The following SNX29 variants were observed in gnomAD, a reference collection of about 807,000 sequenced individuals.
The protein encoded by SNX29 is sorting nexin-29.
SNX29 carries 78 observed loss-of-function variants against 102.1 expected under a neutral mutation model. The observed-to-expected ratio is 0.76, with a 90% CI of 0.64 to 0.92. The LOEUF (loss-of-function observed/expected upper bound fraction) is 0.92, where lower values mean the gene tolerates loss of function less well. SNX29 is among the 40% of genes least tolerant of loss of function. The pLI is 0.00. For missense variants in SNX29, 1,280 were observed against 1,061.7 expected (o/e 1.21, Z -2.86); for synonymous variants, 580 against 414.5 (o/e 1.40, Z -4.85).
chr16:12,016,617 A>G (rs1596600980), intron 3 of SNX29, among the ~76,000 whole-genome samples: 1 of 152,156 alleles, frequency 6.6e-6, no homozygotes, highest in South Asian at 2.1e-4. Flanking sequence ...CCATTCTGAT[A>G]GGTGTGTAGT....
At chr16:12,317,165 A>G (rs1225793272) in intron 15 of SNX29, among the ~76,000 whole-genome samples, 1 of 152,182 alleles carries the variant, frequency 6.6e-6, no homozygotes, top group Non-Finnish European at 1.5e-5. Context: ...GGAGTGGCGG[A>G]CTGTCTTTAG....
chr16:12,536,084 A>ATGTT (rs2077069950), intron 20 of SNX29, among the ~76,000 whole-genome samples: 1 of 152,130 alleles, frequency 6.6e-6, no homozygotes, highest in African/African-American at 2.4e-5. Context: ...CACACCCAGG[A>ATGTT]TGTTTTGCCT....
At chr16:12,203,329 C>G (rs7187644) in intron 14 of SNX29, among the ~76,000 whole-genome samples, 1 of 18,674 alleles carries the variant, frequency 5.4e-5, no homozygotes, top group Non-Finnish European at 3.2e-4. Flanking sequence ...TCTGAAGTTG[C>G]GTAGTGTGGC....
At chr16:12,537,924 G>A (rs971421259) in intron 20 of SNX29, among the ~76,000 whole-genome samples, 2 of 150,704 alleles carry the variant, frequency 1.3e-5, no homozygotes, top group Non-Finnish European at 2.9e-5. Context: ...GGCAGAGGTT[G>A]CAGTGAGCTG....
At chr16:12,075,391 C>G (rs2051505035) in intron 10 of SNX29, among the ~76,000 whole-genome samples, 1 of 152,146 alleles carries the variant, frequency 6.6e-6, no homozygotes, top group Non-Finnish European at 1.5e-5. Context: ...CAGACAGGAC[C>G]CTCAGCTGCA....
chr16:12,217,559 G>A (rs2077357855), intron 14 of SNX29, among the ~76,000 whole-genome samples: 1 of 152,186 alleles, frequency 6.6e-6, no homozygotes, highest in Non-Finnish European at 1.5e-5. Context: ...GCCACCCGTA[G>A]GTGAGGCAGT....
chr16:12,566,981 A>G (rs1373421896), intron 20 of SNX29, among the ~76,000 whole-genome samples: 4 of 152,236 alleles, frequency 2.6e-5, no homozygotes, highest in Non-Finnish European at 4.4e-5. Flanking sequence ...CACAGTGGCC[A>G]TGTCCCTGGA....
intron 15 of SNX29, among the ~76,000 whole-genome samples, chr16:12,336,046 G>A (rs766095950): frequency 6.6e-6 from 1 of 152,126 alleles, no homozygotes; most frequent in Non-Finnish European, 1.5e-5. Flanking sequence ...ATATCTTTAT[G>A]AAACCCTTAT....
intron 20 of SNX29, among the ~76,000 whole-genome samples, chr16:12,566,331 A>C (rs573543821): frequency 1.3e-5 from 2 of 152,270 alleles, no homozygotes; most frequent in African/African-American, 2.4e-5. Context: ...CTACCCCTTC[A>C]TAACAGTCAC....
Position 12,569,920 on chromosome 16 carries a change from A to C in SNX29, c.*1291A>C, listed in dbSNP as rs1303759985. On this transcript the variant is annotated 3_prime_UTR_variant, in exon 21 of 21. Coordinates refer to ENST00000566228, the MANE Select transcript of SNX29 (RefSeq NM_032167.5). ...TAATCTGAGGCAGAGACACAGCAGA[A>C]CCTGAGGAGAAAAGCAGGTGGAAGG... 4.3e-6 allele frequency: 1 copy of C among 232,552 alleles called. No homozygotes were observed. The highest frequency in any genetic ancestry group is 8.5e-6 in the Non-Finnish European group (1 of 117,660). 14.4% of individuals were successfully genotyped at this position (232,552 alleles called of 1,614,324 possible).
chr16:12,186,751 T>TGATA (rs1450049479), intron 13 of SNX29, among the ~76,000 whole-genome samples: 3 of 152,210 alleles, frequency 2.0e-5, no homozygotes, highest in Non-Finnish European at 4.4e-5. Flanking sequence ...GCCAGTTGCT[T>TGATA]GATAGAACAT....
At chr16:12,536,368 G>C (rs1456250055) in intron 20 of SNX29, among the ~76,000 whole-genome samples, 2 of 152,000 alleles carry the variant, frequency 1.3e-5, no homozygotes, top group East Asian at 1.9e-4. Context: ...TGGGGGTAAA[G>C]CTTGTTTATG....
chr16:12,453,927 T>TG (rs1262920633), intron 18 of SNX29, among the ~76,000 whole-genome samples: 1 of 152,196 alleles, frequency 6.6e-6, no homozygotes, highest in East Asian at 1.9e-4. Flanking sequence ...CACTGCTAGT[T>TG]GCTTGCTGAA....
intron 3 of SNX29, among the ~76,000 whole-genome samples, chr16:12,022,269 C>T (rs972425385): frequency 2.0e-5 from 3 of 151,112 alleles, no homozygotes; most frequent in African/African-American, 7.3e-5. Context: ...GGCACAATCT[C>T]AGCTCACTGC....
intron 18 of SNX29, among the ~76,000 whole-genome samples, chr16:12,413,594 G>A (rs2084496717): frequency 6.6e-6 from 1 of 150,908 alleles, no homozygotes; most frequent in Non-Finnish European, 1.5e-5. Flanking sequence ...CGAGACAATG[G>A]CACCTCGGAA....
At chr16:12,216,026 A>G (rs1467115705) in intron 14 of SNX29, among the ~76,000 whole-genome samples, 1 of 152,222 alleles carries the variant, frequency 6.6e-6, no homozygotes, top group African/African-American at 2.4e-5. Context: ...GCAGGCATAC[A>G]TCCTGGGCCA....
At chr16:12,036,206 C>G (rs933021541) in intron 4 of SNX29, among the ~76,000 whole-genome samples, 1 of 152,164 alleles carries the variant, frequency 6.6e-6, no homozygotes, top group African/African-American at 2.4e-5. Flanking sequence ...TCCCAAGTAG[C>G]TGGGACGACA....
chr16:12,538,401 T>TTTTAAAATGATG (rs2077174327), intron 20 of SNX29, among the ~76,000 whole-genome samples: 1 of 152,246 alleles, frequency 6.6e-6, no homozygotes, highest in African/African-American at 2.4e-5. Context: ...CCCCTTGCAC[T>TTTTAAAATGATG]TTTAAAATGA....
intron 15 of SNX29, among the ~76,000 whole-genome samples, chr16:12,288,921 C>T (rs909873433): frequency 6.6e-6 from 1 of 152,126 alleles, no homozygotes; most frequent in African/African-American, 2.4e-5. Context: ...GGTACTCTTC[C>T]CATCGCCCTC....
Sources: gnomAD v4.1 joint callset for allele counts (sites outside exome capture counted in the v4.1 genomes callset) on GRCh38, gnomAD v4.1.1 for gene constraint, MANE v1.5 for transcripts, NCBI Gene and HGNC (gene_info 2026-07-23, HGNC 2026-07-21) for gene names.